Variants in GALNT7 observed in about 807,000 individuals in gnomAD.
GALNT7 encodes the protein polypeptide N-acetylgalactosaminyltransferase 7, also known as N-acetylgalactosaminyltransferase 7.
A neutral mutation model predicts 82.1 loss-of-function variants in GALNT7; 60 were observed. The observed-to-expected ratio is 0.73, with a 90% CI of 0.59 to 0.91. GALNT7 has a LOEUF of 0.91. GALNT7 is among the 40% of genes least tolerant of loss of function. GALNT7 has a pLI of 0.00. For missense variants in GALNT7, 660 were observed against 804.2 expected, an observed-to-expected ratio of 0.82 and a Z score of 2.17; for synonymous variants, 243 against 275.1, an observed-to-expected ratio of 0.88 and a Z score of 1.15.
Position 173,292,223 on chromosome 4 carries a change from C to G in GALNT7, c.703C>G (p.Pro235Ala), listed in dbSNP as rs1311616681. 2.5e-6 allele frequency: 4 copies of G among 1,580,100 alleles called. No homozygotes were observed. The highest frequency in any genetic ancestry group is 3.3e-4 in the Middle Eastern group (2 of 6,010). The change falls in exon 3 of 12, where the codon CCA becomes GCA. Residue 235 changes from proline to alanine, a missense_variant. Around this residue, in one of 2 missense-constraint regions of GALNT7, gnomAD observed 527 missense variants for 683.5 expected, o/e 0.77. Coordinates refer to ENST00000265000, the MANE Select transcript of GALNT7 (RefSeq NM_017423.3). This position sits in a 1 kb window ranked among gnomAD's most constrained non-coding sequence, Gnocchi z 4.8. ...RTVHSVIKRT[P>A]RKYLAEIVLI... ...AGTCCACAGTGTAATTAAAAGGACT[C>G]CAAGGAAATATTTAGCAGAAATTGT... is the stretch of plus-strand genomic sequence containing the variant.
At chr4:173,202,543 C>G (rs1732973851) in intron 1 of GALNT7, among the ~76,000 whole-genome samples, 1 of 152,200 alleles carries the variant, frequency 6.6e-6, no homozygotes, top group Admixed American at 6.5e-5. Context: ...TCTGTCTCCT[C>G]AATCCTTATC....
chr4:173,210,601 A>C (rs1301453602), intron 1 of GALNT7, among the ~76,000 whole-genome samples: 1 of 151,768 alleles, frequency 6.6e-6, no homozygotes, highest in Non-Finnish European at 1.5e-5. Flanking sequence ...CTACAGGCTA[A>C]ATTTTTTTTT....
chr4:173,291,499 C>G (rs750335412), intron 2 of GALNT7, among the ~76,000 whole-genome samples: 6 of 152,218 alleles, frequency 3.9e-5, no homozygotes, highest in African/African-American at 7.2e-5. Context: ...CTTCTGGAAA[C>G]TGTACTCCTG....
intron 6 of GALNT7, among the ~76,000 whole-genome samples, chr4:173,301,558 C>G (rs1427421629): frequency 6.6e-6 from 1 of 152,092 alleles, no homozygotes; most frequent in Non-Finnish European, 1.5e-5. Flanking sequence ...TGTGGTTGTT[C>G]TACAATGATT....
intron 1 of GALNT7, among the ~76,000 whole-genome samples, chr4:173,178,057 GCACGCGCGTGCGCA>G (rs1561142198): frequency 7.1e-6 from 1 of 139,946 alleles, no homozygotes; most frequent in Non-Finnish European, 1.5e-5. Flanking sequence ...GTGTGTGCGC[GCACGCGCGTGCGCA>G]CAGACACCTA....
At chr4:173,306,930 G>GT (rs1339014004) in intron 8 of GALNT7, among the ~76,000 whole-genome samples, 3 of 152,194 alleles carry the variant, frequency 2.0e-5, no homozygotes, top group Non-Finnish European at 2.9e-5. Context: ...TTACAGGCTG[G>GT]TTTCAGCTTC....
In GALNT7 at chr4:173,305,034, C is replaced by A. The variant is rs1737098135; in HGVS notation, c.1389+916C>A. ...AGATTTTATGTCCTTTGGATATATA[C>A]CTAGTAATGAGATTGCTAGATCAGA... is the stretch of plus-strand genomic sequence containing the variant. On this transcript the variant is annotated intron_variant, in intron 8 of 11. Transcript: ENST00000265000. Among the ~76,000 whole-genome samples the A allele has an allele frequency of 1.3e-5, 2 of 152,038 alleles. 1 individual carries two copies. The highest frequency in any genetic ancestry group is 4.1e-4 in the South Asian group (2 of 4,820).
chr4:173,218,983 ATT>A (rs34593349), intron 1 of GALNT7, among the ~76,000 whole-genome samples: 1 of 149,146 alleles, frequency 6.7e-6, no homozygotes, highest in African/African-American at 2.5e-5. Context: ...TCTTAAAAAA[ATT>A]TTTTTTTTCA....
rs772196744 is a variant in GALNT7, at chr4:173,247,987, G to T, written c.134G>T (p.Arg45Ile). 1.2e-6 allele frequency: 2 copies of T among 1,608,308 alleles called. No individual in the cohort carries two copies. Reference protein sequence around the residue: ...PSPLSRMREDRDVNDPMPNRG... With the variant: ...PSPLSRMREDIDVNDPMPNRG... ...CCCCTCCCTTTTGTATAGGAAGACAGAGATGTCAATGACCCCATGCCCAAC... is the reference window on the plus strand; with the variant it reads ...CCCCTCCCTTTTGTATAGGAAGACATAGATGTCAATGACCCCATGCCCAAC... Residue 45 changes from arginine to isoleucine, a missense_variant, in exon 2 of 12, where the codon AGA (arginine) becomes ATA (isoleucine). Physicochemically the swap from Arg to Ile is moderately conservative, Grantham distance 97. Coordinates refer to ENST00000265000, the MANE Select transcript of GALNT7 (RefSeq NM_017423.3).
intron 1 of GALNT7, among the ~76,000 whole-genome samples, chr4:173,185,413 C>CAAAAAA (rs33996293): frequency 7.0e-6 from 1 of 142,130 alleles, no homozygotes; most frequent in African/African-American, 2.7e-5. Flanking sequence ...CAATGAATCT[C>CAAAAAA]AAAAAAAAAA....
chr4:173,216,381 G>A (rs540164389), intron 1 of GALNT7, among the ~76,000 whole-genome samples: 14 of 152,074 alleles, frequency 9.2e-5, no homozygotes, highest in Non-Finnish European at 1.3e-4. Context: ...GGCGTAATGT[G>A]TTACTGGGCT....
intron 1 of GALNT7, among the ~76,000 whole-genome samples, chr4:173,188,717 T>TC (rs1327107442): frequency 6.6e-6 from 1 of 152,214 alleles, no homozygotes; most frequent in Non-Finnish European, 1.5e-5. Context: ...CAGCATGGTA[T>TC]CATCCAGCTG....
At chr4:173,188,051 A>G (rs1411558186) in intron 1 of GALNT7, among the ~76,000 whole-genome samples, 1 of 152,218 alleles carries the variant, frequency 6.6e-6, no homozygotes, top group African/African-American at 2.4e-5. Flanking sequence ...ATACTTATAT[A>G]CTAATACAAC....
At chr4:173,184,835 C>T (rs1354767456) in intron 1 of GALNT7, among the ~76,000 whole-genome samples, 4 of 152,126 alleles carry the variant, frequency 2.6e-5, no homozygotes, top group Admixed American at 2.0e-4. Flanking sequence ...TGCTTCACTC[C>T]ATCCCCATTA....
At chr4:173,253,174 C>A (rs758256243) in intron 2 of GALNT7, among the ~76,000 whole-genome samples, 1 of 152,060 alleles carries the variant, frequency 6.6e-6, no homozygotes, top group Non-Finnish European at 1.5e-5. Context: ...TGCACTCCAG[C>A]CTGAGTGATA....
chr4:173,301,009 CT>C (rs1358031397), intron 6 of GALNT7, among the ~76,000 whole-genome samples: 2 of 151,948 alleles, frequency 1.3e-5, no homozygotes, highest in Non-Finnish European at 2.9e-5. Context: ...TTGGTGTGCG[CT>C]TGTAGTCCCA....
At chr4:173,235,682 A>G (rs955302068) in intron 1 of GALNT7, among the ~76,000 whole-genome samples, 6 of 151,798 alleles carry the variant, frequency 4.0e-5, no homozygotes, top group East Asian at 3.9e-4. Flanking sequence ...CAGCCTCCCA[A>G]GTAGCTGGGA....
At chr4:173,298,439 G>A (rs55813649) in intron 6 of GALNT7, 142 bp downstream of exon 6, 3 of 607,036 alleles carry the variant, frequency 4.9e-6, no homozygotes, top group Admixed American at 7.0e-5. Flanking sequence ...CACTGTTTCA[G>A]AGCTTTCAAT....
chr4:173,244,779 G>A (rs1250762083), intron 1 of GALNT7, among the ~76,000 whole-genome samples: 1 of 152,116 alleles, frequency 6.6e-6, no homozygotes, highest in East Asian at 1.9e-4. Flanking sequence ...CTCTACACAG[G>A]TGATAGAATT....
Sources: allele counts gnomAD v4.1 joint callset (sites outside exome capture counted in the v4.1 genomes callset), GRCh38; gene constraint gnomAD v4.1.1; regional missense constraint gnomAD v4.1.1; non-coding constraint Gnocchi (gnomAD v3.1); transcripts MANE v1.5; gene names NCBI Gene and HGNC (gene_info 2026-07-23, HGNC 2026-07-21).